EPHA6: variants seen among roughly 807,000 people sequenced by gnomAD.
The protein encoded by EPHA6 is ephrin type-A receptor 6.
In EPHA6, 50 loss-of-function variants were observed where a neutral mutation model predicts 112.0. The observed-to-expected ratio is 0.45, with a 90% CI of 0.36 to 0.56. The LOEUF (loss-of-function observed/expected upper bound fraction) is 0.56, where lower values mean the gene tolerates loss of function less well. Among genes scored for constraint, EPHA6 ranks in the 20% least tolerant of loss-of-function variants. The pLI is 0.00. For synonymous variants in EPHA6, 529 were observed against 490.7 expected (o/e 1.08, Z -1.03); for missense variants, 1,280 against 1,417.4 (o/e 0.90, Z 1.56).
intron 2 of EPHA6, among the ~76,000 whole-genome samples, chr3:96,952,633 C>T (rs1372244578): frequency 6.6e-6 from 1 of 152,142 alleles, no homozygotes; most frequent in Non-Finnish European, 1.5e-5. Context: ...ATTGTTATAG[C>T]AACTGAAAAT....
chr3:97,744,243 T>G (rs1231825982), intron 16 of EPHA6, among the ~76,000 whole-genome samples: 1 of 151,980 alleles, frequency 6.6e-6, no homozygotes, highest in East Asian at 1.9e-4. Context: ...CAGGTTTTGC[T>G]GTAAAGATAT....
intron 11 of EPHA6, among the ~76,000 whole-genome samples, chr3:97,571,608 A>G (rs1404614995): frequency 2.6e-5 from 4 of 152,148 alleles, no homozygotes; most frequent in Admixed American, 6.5e-5. Flanking sequence ...ACAAAATTAC[A>G]TGTAAGTCAT....
chr3:97,409,934 GT>G lies in EPHA6; in HGVS notation c.1731+4662del, dbSNP rs1364986854. ...ATATAACCTGCCAGTGTTTCACCTA[GT>G]TCACAGATTATAGAAAAACTATCTT... On this transcript the variant is annotated intron_variant, in intron 6 of 17. Transcript: ENST00000389672. 2.6e-5 allele frequency among the ~76,000 whole-genome samples: 4 copies of G among 151,972 alleles called. No individual in the cohort carries two copies. In the East Asian group the frequency reaches 7.7e-4, roughly 29 times the overall value.
At chr3:97,369,553 G>A (rs1395920230) in intron 5 of EPHA6, among the ~76,000 whole-genome samples, 1 of 152,174 alleles carries the variant, frequency 6.6e-6, no homozygotes, top group Non-Finnish European at 1.5e-5. Context: ...GGGGAAAGCT[G>A]TGGGAGCCTC....
chr3:97,542,244 C>A (rs2092869613), intron 11 of EPHA6, among the ~76,000 whole-genome samples: 1 of 152,082 alleles, frequency 6.6e-6, no homozygotes, highest in Non-Finnish European at 1.5e-5. Flanking sequence ...CCTCCCCTCT[C>A]CCCGCACCCC....
chr3:96,959,881 G>A (rs1038491405), intron 2 of EPHA6, among the ~76,000 whole-genome samples: 2 of 151,960 alleles, frequency 1.3e-5, no homozygotes, highest in Non-Finnish European at 2.9e-5. Context: ...GTATTTGAAA[G>A]TTTCCCAAAA....
At chr3:97,436,522 A>G (rs992605466) in intron 6 of EPHA6, among the ~76,000 whole-genome samples, 2 of 152,286 alleles carry the variant, frequency 1.3e-5, no homozygotes, top group Middle Eastern at 3.4e-3. Flanking sequence ...TCATGCTTAT[A>G]TATTTAAATG....
intron 3 of EPHA6, among the ~76,000 whole-genome samples, chr3:97,071,481 G>A (rs941955348): frequency 1.4e-4 from 21 of 151,994 alleles, no homozygotes; most frequent in Non-Finnish European, 3.1e-4. Flanking sequence ...GAATCATGGC[G>A]GAAGGTGAAA....
chr3:97,077,738 G>C (rs1449933923), intron 3 of EPHA6, among the ~76,000 whole-genome samples: 1 of 152,048 alleles, frequency 6.6e-6, no homozygotes, highest in African/African-American at 2.4e-5. Flanking sequence ...CTTTTTTATG[G>C]CTGCATGGTA....
chr3:97,542,116 C>T (rs549620843), intron 11 of EPHA6, among the ~76,000 whole-genome samples: 14 of 150,070 alleles, frequency 9.3e-5, no homozygotes, highest in Non-Finnish European at 1.9e-4. Context: ...TTATACTTTA[C>T]GTTTTAGGGT....
chr3:96,864,157 C>T (rs1328742443), intron 1 of EPHA6, among the ~76,000 whole-genome samples: 1 of 151,968 alleles, frequency 6.6e-6, no homozygotes, highest in African/African-American at 2.4e-5. Context: ...GTTTTGGAAT[C>T]CAGATGGATA....
At chr3:96,980,991 T>G (rs2042746216) in intron 2 of EPHA6, among the ~76,000 whole-genome samples, 1 of 152,210 alleles carries the variant, frequency 6.6e-6, no homozygotes, top group Admixed American at 6.5e-5. Flanking sequence ...GCATGTCATC[T>G]GCAAACAGGG....
intron 13 of EPHA6, among the ~76,000 whole-genome samples, chr3:97,614,485 C>T (rs1181877020): frequency 6.7e-6 from 1 of 149,574 alleles, no homozygotes; most frequent in Non-Finnish European, 1.5e-5. Flanking sequence ...CAGGTGTGCA[C>T]CACCACACCC....
intron 11 of EPHA6, among the ~76,000 whole-genome samples, chr3:97,579,784 C>A (rs2093421019): frequency 6.6e-6 from 1 of 152,096 alleles, no homozygotes; most frequent in Non-Finnish European, 1.5e-5. Context: ...AATATACTGT[C>A]ATATATTGCT....
chr3:96,886,548 A>G (rs1428259893), intron 2 of EPHA6, among the ~76,000 whole-genome samples: 2 of 151,968 alleles, frequency 1.3e-5, no homozygotes, highest in Non-Finnish European at 2.9e-5. Flanking sequence ...CACTCCTTAT[A>G]CTTTAAGTTT....
chr3:96,909,266 G>C (rs1291952851), intron 2 of EPHA6, among the ~76,000 whole-genome samples: 1 of 151,856 alleles, frequency 6.6e-6, no homozygotes. Context: ...TCTTAGATAA[G>C]TAAGCAAACA....
chr3:97,290,974 T>C (rs2080660926), intron 5 of EPHA6, among the ~76,000 whole-genome samples: 1 of 152,156 alleles, frequency 6.6e-6, no homozygotes, highest in Admixed American at 6.5e-5. Flanking sequence ...AGGTTCATGA[T>C]TAGGATTGTT....
chr3:97,424,045 G>A (rs1368484946), intron 6 of EPHA6, among the ~76,000 whole-genome samples: 4 of 152,220 alleles, frequency 2.6e-5, no homozygotes, highest in African/African-American at 7.2e-5. Flanking sequence ...AAGGAAAGAG[G>A]TTTAATGGAC....
At position 96,869,238 on chromosome 3, in the gene EPHA6, G is replaced by A. The variant is rs537971620; in HGVS notation, c.450+2349G>A. On this transcript the variant is annotated intron_variant, in intron 2 of 17. Transcript: ENST00000389672. ...CCCTCAAGGGGTATTGAAGCACAGC[G>A]ATAATTATACAGAATCACTAGGCCA... 2.6e-5 allele frequency among the ~76,000 whole-genome samples: 4 copies of A among 152,064 alleles called. No individual in the cohort carries two copies. The South Asian group carries it at 8.3e-4, about 32-fold the overall frequency.
Sources: gnomAD v4.1 joint callset for allele counts (sites outside exome capture counted in the v4.1 genomes callset) on GRCh38, gnomAD v4.1.1 for gene constraint, MANE v1.5 for transcripts, NCBI Gene and HGNC (gene_info 2026-07-23, HGNC 2026-07-21) for gene names.